Variants in SPMAP2L observed in about 807,000 individuals in gnomAD.
SPMAP2L encodes sperm microtubule associated protein 2-like.
the SPMAP2L span, among the ~76,000 whole-genome samples, chr4:56,599,052 C>T: frequency 1.1e-4 from 16 of 152,188 alleles, no homozygotes; most frequent in East Asian, 2.7e-3. Flanking sequence ...CAGCCACTCC[C>T]CAATGGAACT....
chr4:56,596,534 C>T, the SPMAP2L span: 71 of 1,531,698 alleles, frequency 4.6e-5, no homozygotes, highest in East Asian at 5.6e-4. Context: ...ACCCTGAGTG[C>T]GATTGCAACT....
chr4:56,589,764 A>G, the SPMAP2L span, among the ~76,000 whole-genome samples: 2 of 143,034 alleles, frequency 1.4e-5, no homozygotes, highest in South Asian at 4.4e-4. Flanking sequence ...TTTTTGTTTT[A>G]TTTTTTTTGC....
the SPMAP2L span, among the ~76,000 whole-genome samples, chr4:56,534,244 G>T: frequency 1.3e-5 from 2 of 151,934 alleles, no homozygotes; most frequent in African/African-American, 4.8e-5. Flanking sequence ...CACAATGATC[G>T]CTGCCTTGTG....
At chr4:56,540,028 A>G in the SPMAP2L span, among the ~76,000 whole-genome samples, 4 of 152,350 alleles carry the variant, frequency 2.6e-5, no homozygotes, top group African/African-American at 9.6e-5. Context: ...AAAGTCATTC[A>G]TATGGCCATT....
chr4:56,595,985 G>A, the SPMAP2L span, among the ~76,000 whole-genome samples: 1 of 152,316 alleles, frequency 6.6e-6, no homozygotes, highest in Non-Finnish European at 1.5e-5. Context: ...TGCATAGAAA[G>A]TTTTAGGAAC....
At chr4:56,565,229 T>C in the SPMAP2L span, among the ~76,000 whole-genome samples, 1 of 152,250 alleles carries the variant, frequency 6.6e-6, no homozygotes, top group African/African-American at 2.4e-5. Context: ...GATATTCTGT[T>C]TACTTACTTG....
At chr4:56,559,531 G>T in the SPMAP2L span, 17 of 1,488,400 alleles carry the variant, frequency 1.1e-5, no homozygotes, top group Non-Finnish European at 1.5e-5. Flanking sequence ...GTTAGTGTCT[G>T]TGTGTTATCA....
the SPMAP2L span, among the ~76,000 whole-genome samples, chr4:56,585,974 CA>C: frequency 1.3e-5 from 2 of 152,156 alleles, no homozygotes; most frequent in Admixed American, 6.5e-5. Context: ...AAACCATCCC[CA>C]AACTTAGTGG....
At chr4:56,612,790 C>T in the SPMAP2L span, among the ~76,000 whole-genome samples, 2 of 152,094 alleles carry the variant, frequency 1.3e-5, no homozygotes. Context: ...TGGTCTCGAA[C>T]TCCTGACCTC....
At chr4:56,543,891 A>T in the SPMAP2L span, among the ~76,000 whole-genome samples, 1 of 123,732 alleles carries the variant, frequency 8.1e-6, no homozygotes, top group Non-Finnish European at 1.6e-5. Context: ...AGAGAGAGAG[A>T]GAGAGTGTGT....
the SPMAP2L span, among the ~76,000 whole-genome samples, chr4:56,562,153 C>T: frequency 1.3e-5 from 2 of 152,020 alleles, no homozygotes; most frequent in African/African-American, 4.8e-5. Flanking sequence ...GGGGGATATA[C>T]AAGGTAGATT....
the SPMAP2L span, among the ~76,000 whole-genome samples, chr4:56,579,279 A>G: frequency 2.0e-5 from 3 of 152,226 alleles, no homozygotes; most frequent in South Asian, 4.1e-4. Flanking sequence ...AACCAGTTCA[A>G]TGAAATTGGA....
the SPMAP2L span, among the ~76,000 whole-genome samples, chr4:56,609,928 C>G: frequency 6.6e-6 from 1 of 152,086 alleles, no homozygotes; most frequent in African/African-American, 2.4e-5. Flanking sequence ...TTAGAGCAAC[C>G]TGAATAGGCT....
chr4:56,542,150 CTGTT>C, the SPMAP2L span, among the ~76,000 whole-genome samples: 2 of 152,236 alleles, frequency 1.3e-5, no homozygotes, highest in South Asian at 2.1e-4. Context: ...GCCTCAGGCT[CTGTT>C]TGCCTGGCGG....
At chr4:56,590,724 A>G in the SPMAP2L span, among the ~76,000 whole-genome samples, 2 of 152,220 alleles carry the variant, frequency 1.3e-5, no homozygotes, top group Admixed American at 6.5e-5. Flanking sequence ...ACTAAGAAAT[A>G]TTTGTTTAAT....
chr4:56,621,319 T>C, the SPMAP2L span, among the ~76,000 whole-genome samples: 1 of 152,182 alleles, frequency 6.6e-6, no homozygotes, highest in Non-Finnish European at 1.5e-5. Context: ...TTTATTCCTA[T>C]GGAAAAATGA....
the SPMAP2L span, among the ~76,000 whole-genome samples, chr4:56,535,534 C>T: frequency 3.3e-5 from 5 of 152,124 alleles, no homozygotes; most frequent in African/African-American, 1.2e-4. Flanking sequence ...TGCAGACCCC[C>T]TTAGAGTTGT....
At chr4:56,590,984 C>T in the SPMAP2L span, among the ~76,000 whole-genome samples, 5 of 152,228 alleles carry the variant, frequency 3.3e-5, no homozygotes, top group South Asian at 2.1e-4. Flanking sequence ...TCTCACAATA[C>T]CTTGGTTTCT....
At chr4:56,585,629 A>G in the SPMAP2L span, among the ~76,000 whole-genome samples, 4 of 152,220 alleles carry the variant, frequency 2.6e-5, no homozygotes, top group African/African-American at 9.6e-5. Flanking sequence ...GGTGTGAGCC[A>G]CTGCGCCTGT....
Sources: gnomAD v4.1 joint callset for allele counts (sites outside exome capture counted in the v4.1 genomes callset) on GRCh38, gnomAD v4.1.1 for gene constraint, MANE v1.5 for transcripts, NCBI Gene and HGNC (gene_info 2026-07-23, HGNC 2026-07-21) for gene names.